The following KAT6A variants were observed in gnomAD, a reference collection of about 807,000 sequenced individuals.
The protein encoded by KAT6A is lysine acetyltransferase 6A.
A neutral mutation model predicts 198.4 loss-of-function variants in KAT6A; 9 were observed. The observed-to-expected ratio is 0.05, with a 90% CI of 0.03 to 0.08. The LOEUF is 0.08. KAT6A is among the 10% of genes least tolerant of loss of function. The pLI, the probability that KAT6A is intolerant of heterozygous loss-of-function variation, is 1.00. For missense variants in KAT6A, 2,077 were observed against 2,509.9 expected, an observed-to-expected ratio of 0.83 and a Z score of 3.69; for synonymous variants, 890 against 883.0, an observed-to-expected ratio of 1.01 and a Z score of -0.14.
At chr8:41,992,468 T>C (rs1824994816) in intron 2 of KAT6A, among the ~76,000 whole-genome samples, 1 of 152,190 alleles carries the variant, frequency 6.6e-6, no homozygotes, top group South Asian at 2.1e-4. Context: ...TTGGACCTAT[T>C]AGAGGCAGTG....
intron 9 of KAT6A, among the ~76,000 whole-genome samples, chr8:41,950,232 A>G (rs10504049): frequency 0.29 from 44,021 of 152,074 alleles, 6,510 homozygotes; most frequent in Middle Eastern, 0.45. Flanking sequence ...AAGAGGAACC[A>G]CTAGATAAAG....
chr8:42,031,158 AGCTAGGG>A (rs762069343), intron 2 of KAT6A, among the ~76,000 whole-genome samples: 4 of 152,194 alleles, frequency 2.6e-5, no homozygotes, highest in Non-Finnish European at 4.4e-5. Flanking sequence ...GGAGCCAAGT[AGCTAGGG>A]AATAAGACTT....
At chr8:41,959,539 T>C (rs1823089883) in intron 8 of KAT6A, among the ~76,000 whole-genome samples, 1 of 152,232 alleles carries the variant, frequency 6.6e-6, no homozygotes, top group African/African-American at 2.4e-5. Flanking sequence ...GTTCTTTGTA[T>C]ATGGGTATCT....
chr8:41,962,673 ACCCTCCCAGGGTTCCC>A (rs1393766375), intron 8 of KAT6A, among the ~76,000 whole-genome samples: 1 of 151,488 alleles, frequency 6.6e-6, no homozygotes, highest in Non-Finnish European at 1.5e-5. Context: ...TCTGCTCAAA[ACCCTCCCAGGGTTCCC>A]ATCTCATTCA....
intron 2 of KAT6A, among the ~76,000 whole-genome samples, chr8:42,043,343 A>G (rs1219160999): frequency 6.6e-6 from 1 of 152,258 alleles, no homozygotes; most frequent in Non-Finnish European, 1.5e-5. Context: ...TGATTCAAGG[A>G]AAACAGTATT....
At chr8:42,047,550 G>A (rs970838065) in intron 2 of KAT6A, among the ~76,000 whole-genome samples, 3 of 152,082 alleles carry the variant, frequency 2.0e-5, no homozygotes, top group Admixed American at 6.5e-5. Context: ...AAGTAGCTAG[G>A]ACTACAGGCG....
At chr8:41,945,011 T>C (rs1244234378) in intron 12 of KAT6A, among the ~76,000 whole-genome samples, 2 of 152,216 alleles carry the variant, frequency 1.3e-5, no homozygotes, top group Non-Finnish European at 2.9e-5. Context: ...GAACCATTAG[T>C]TCTGCATATA....
chr8:42,050,475 G>A (rs1306970991), intron 1 of KAT6A, among the ~76,000 whole-genome samples: 1 of 152,114 alleles, frequency 6.6e-6, no homozygotes, highest in African/African-American at 2.4e-5. Context: ...AACTATTCTT[G>A]GTAGTGACAT....
chr8:42,044,800 T>C (rs1005222447), intron 2 of KAT6A, among the ~76,000 whole-genome samples: 2 of 152,236 alleles, frequency 1.3e-5, no homozygotes, highest in African/African-American at 4.8e-5. Context: ...GACTATATGC[T>C]GAACCAATTA....
chr8:41,996,030 C>A (rs1440891709), intron 2 of KAT6A, among the ~76,000 whole-genome samples: 3 of 152,144 alleles, frequency 2.0e-5, no homozygotes, highest in Non-Finnish European at 4.4e-5. Context: ...AGGCCATAAA[C>A]CTTATCTCTA....
In KAT6A at chr8:41,947,949, G is replaced by A. The variant is rs182059028; in HGVS notation, c.1741-37C>T. ...AACAGAACAAAACAGTCAGTAGAGG[G>A]TCTCTTTAGTTCTAGAATAATATGT... On this transcript the variant is annotated intron_variant, in intron 10 of 16. Coordinates refer to ENST00000265713, the MANE Select transcript of KAT6A (RefSeq NM_006766.5). The A allele has an allele frequency of 9.4e-6, 14 of 1,491,968 alleles. No homozygotes were observed. In the African/African-American group the frequency reaches 2.0e-4, roughly 21 times the overall value. 92.4% of individuals were successfully genotyped at this position (1,491,968 alleles called of 1,614,324 possible).
chr8:42,048,277 A>T lies in KAT6A; in HGVS notation c.600+101T>A, dbSNP rs191267185. On this transcript the variant is annotated intron_variant, in intron 2 of 16. Transcript: ENST00000265713. The stretch of plus-strand genomic sequence containing the variant: ...AAACCAGAGGTGATCACTCCACAGA[A>T]GTCCCCAAACAAAAAACTTGAATAT... The T allele has an allele frequency of 2.3e-5, 29 of 1,285,358 alleles. No homozygotes were observed. In the African/African-American group the frequency reaches 4.0e-4, roughly 18 times the overall value. The allele number at this position is 1,285,358 out of a possible 1,614,324, so 79.6% of individuals were successfully genotyped here. A position where few individuals can be genotyped will look rare whatever the true frequency, so the allele number is the denominator to read the frequency against.
intron 2 of KAT6A, among the ~76,000 whole-genome samples, chr8:41,993,063 G>A (rs1309546249): frequency 6.6e-6 from 1 of 152,102 alleles, no homozygotes; most frequent in Non-Finnish European, 1.5e-5. Flanking sequence ...GTCCCTCTAT[G>A]TCCCTGTATA....
rs141360124 is a variant in KAT6A at position 42,048,994 on chromosome 8, T to C, written c.-17A>G. On this transcript the variant is annotated 5_prime_UTR_variant, in exon 2 of 17. It adds an upstream start codon to the 5' untranslated region. Coordinates refer to ENST00000265713, the MANE Select transcript of KAT6A (RefSeq NM_006766.5). ...TTTTACCATGGTGAAGGATTCTGTATATCCATAGAGTCGTTATCCCTTATC... is the reference window on the plus strand; with the variant it reads ...TTTTACCATGGTGAAGGATTCTGTACATCCATAGAGTCGTTATCCCTTATC... 0.012 allele frequency: 19,680 copies of C among 1,606,410 alleles called. 166 individuals are homozygous for C. Among genetic ancestry groups the C allele is most frequent in the Middle Eastern group, 0.018 (108 of 6,042 alleles).
At chr8:41,949,484 C>T (rs1822565433) in intron 9 of KAT6A, 121 bp from the exon 10 acceptor site, 1 of 565,232 alleles carries the variant, frequency 1.8e-6, no homozygotes, top group Admixed American at 4.2e-5. Flanking sequence ...AAAAAAACTG[C>T]ATATGCAAAA....
chr8:41,969,036 C>A (rs1229911546), intron 8 of KAT6A, among the ~76,000 whole-genome samples: 1 of 152,130 alleles, frequency 6.6e-6, no homozygotes, highest in African/African-American at 2.4e-5. Context: ...CCCTTCCAGA[C>A]TATAAGCTCT....
At position 41,979,262 on chromosome 8, in the gene KAT6A, C is replaced by T. The variant is rs566722982; in HGVS notation, c.908-485G>A. Among the ~76,000 whole-genome samples, 16 of 151,888 alleles carry T rather than the reference C, an allele frequency of 1.1e-4. No individual in the cohort carries two copies. In the South Asian group the frequency reaches 1.5e-3, roughly 14 times the overall value. On this transcript the variant is annotated intron_variant, in intron 5 of 16. Transcript: ENST00000265713. ...CAGCCTGGGCGACAGAGTGAGACTC[C>T]GTCTCAAAAAAAAAGTTTCCTGCCT...
chr8:42,037,943 G>A (rs1370992371), intron 2 of KAT6A, among the ~76,000 whole-genome samples: 2 of 152,022 alleles, frequency 1.3e-5, no homozygotes, highest in African/African-American at 4.8e-5. Flanking sequence ...TTCCCCACAC[G>A]GTCTGTTTAC....
intron 8 of KAT6A, among the ~76,000 whole-genome samples, chr8:41,968,127 A>G (rs1331185396): frequency 6.6e-6 from 1 of 152,188 alleles, no homozygotes; most frequent in Non-Finnish European, 1.5e-5. Flanking sequence ...GACAAATGGG[A>G]TCTAATTAAA....
Sources: gnomAD v4.1 joint callset for allele counts (sites outside exome capture counted in the v4.1 genomes callset) on GRCh38, gnomAD v4.1.1 for gene constraint, MANE v1.5 for transcripts, NCBI Gene and HGNC (gene_info 2026-07-23, HGNC 2026-07-21) for gene names.